AMN1: variants seen among roughly 807,000 people sequenced by gnomAD.
AMN1 encodes antagonist of mitotic exit network 1 homolog.
A neutral mutation model predicts 33.0 loss-of-function variants in AMN1; 20 were observed. The observed-to-expected ratio is 0.61, with a 90% CI of 0.43 to 0.88. AMN1 has a LOEUF of 0.88. Ranked by LOEUF, AMN1 falls within the 40% of genes least tolerant of loss-of-function variation. The pLI is 0.00. For synonymous variants in AMN1, 114 were observed against 111.9 expected (o/e 1.02, Z -0.12); for missense variants, 246 against 307.4 (o/e 0.80, Z 1.49).
chr12:31,706,675 G>C (rs1239309875), intron 2 of AMN1, among the ~76,000 whole-genome samples: 1 of 152,196 alleles, frequency 6.6e-6, no homozygotes, highest in Non-Finnish European at 1.5e-5. Context: ...GGGCTGTTTA[G>C]CAGAACAAAG....
chr12:31,680,502 A>C (rs73090337), intron 6 of AMN1, among the ~76,000 whole-genome samples: 34,078 of 152,168 alleles, frequency 0.22, 4,059 homozygotes, highest in Non-Finnish European at 0.27. Flanking sequence ...ATACACAGCC[A>C]AAACCATAAT....
At chr12:31,714,010 C>A (rs1360220482) in intron 1 of AMN1, among the ~76,000 whole-genome samples, 1 of 151,956 alleles carries the variant, frequency 6.6e-6, no homozygotes, top group East Asian at 1.9e-4. Flanking sequence ...ATACATATAT[C>A]TATAAATAAA....
At position 31,695,102 on chromosome 12, in the gene AMN1, T is replaced by C. The variant is rs118004202; in HGVS notation, c.591+2259A>G. Among the ~76,000 whole-genome samples the C allele has an allele frequency of 5.7e-3, 871 of 152,340 alleles. 33 individuals are homozygous for C. In the East Asian group the frequency reaches 0.1, roughly 17 times the overall value. On this transcript the variant is annotated intron_variant, in intron 5 of 6. Coordinates refer to ENST00000281471, the MANE Select transcript of AMN1 (RefSeq NM_001113402.2). ...TGAAAAAATAAAAAATGTAATGATA[T>C]GGCACTATAATCACCAACACACTGG...
In AMN1 at chr12:31,672,257, A is replaced by G. The variant is rs1951288489; in HGVS notation, c.*47T>C. 1 of 1,293,364 alleles carries G rather than the reference A, an allele frequency of 7.7e-7. No homozygotes were observed. Among genetic ancestry groups the G allele is most frequent in the African/African-American group, 1.5e-5 (1 of 67,856 alleles). The allele number at this position is 1,293,364 out of a possible 1,614,324, so 80.1% of individuals were successfully genotyped here. On this transcript the variant is annotated 3_prime_UTR_variant, in exon 7 of 7. Transcript: ENST00000281471. ...ATCTCTATAGATGGTTTCCTGGGAA[A>G]GTAGTTTTGATAAGCTTTCCTAGCA...
chr12:31,716,106 C>A lies in AMN1; in HGVS notation c.39-6681G>T, dbSNP rs185518468. On this transcript the variant is annotated intron_variant, in intron 1 of 6. Coordinates refer to ENST00000281471, the MANE Select transcript of AMN1 (RefSeq NM_001113402.2). ...CTGTTTGATTTCAGTATTGCTCCATCATTTTTCCATGGTTTCTTTTGCTCA... is the reference window on the plus strand; with the variant it reads ...CTGTTTGATTTCAGTATTGCTCCATAATTTTTCCATGGTTTCTTTTGCTCA... 1.1e-4 allele frequency among the ~76,000 whole-genome samples: 17 copies of A among 152,286 alleles called. No homozygotes were observed. The East Asian group carries it at 3.1e-3, about 28-fold the overall frequency.
At chr12:31,703,069 T>C (rs1033137492) in intron 2 of AMN1, among the ~76,000 whole-genome samples, 1 of 152,140 alleles carries the variant, frequency 6.6e-6, no homozygotes, top group African/African-American at 2.4e-5. Context: ...TCTCTCTCTC[T>C]CTTTCCACTG....
chr12:31,721,536 A>G lies in AMN1; in HGVS notation c.38+7435T>C, dbSNP rs74085198. On this transcript the variant is annotated intron_variant, in intron 1 of 6. Coordinates refer to ENST00000281471, the MANE Select transcript of AMN1 (RefSeq NM_001113402.2). ...CTTGGTCTCTGATCCCTTAGGGGAA[A>G]AAGGCAACCAAATGCAACTGATGAG... 8.3e-3 allele frequency among the ~76,000 whole-genome samples: 1,265 copies of G among 152,330 alleles called. 17 individuals are homozygous for G. The highest frequency in any genetic ancestry group is 0.029 in the African/African-American group (1,193 of 41,576).
chr12:31,699,418 A>AAG (rs1938888091), intron 3 of AMN1, among the ~76,000 whole-genome samples: 1 of 149,380 alleles, frequency 6.7e-6, no homozygotes, highest in African/African-American at 2.4e-5. Context: ...AAAAAAAAAA[A>AAG]AAAGAAAGAA....
chr12:31,682,154 C>A (rs995127906), intron 6 of AMN1, among the ~76,000 whole-genome samples: 1 of 152,158 alleles, frequency 6.6e-6, no homozygotes, highest in Non-Finnish European at 1.5e-5. Flanking sequence ...TTTCTCAGAG[C>A]CTTTGACAAA....
At chr12:31,692,801 ATATT>A (rs1773146452) in intron 5 of AMN1, among the ~76,000 whole-genome samples, 3 of 152,198 alleles carry the variant, frequency 2.0e-5, no homozygotes, top group Admixed American at 6.5e-5. Context: ...TGCTTAATAA[ATATT>A]TATTAATAAA....
intron 6 of AMN1, among the ~76,000 whole-genome samples, chr12:31,680,096 C>CTG (rs113504550): frequency 0.14 from 20,040 of 144,654 alleles, 1,570 homozygotes; most frequent in East Asian, 0.27. Flanking sequence ...ACACTCCAGG[C>CTG]GGCAACAAAG....
At chr12:31,685,533 G>A (rs1938219152) in intron 6 of AMN1, among the ~76,000 whole-genome samples, 1 of 152,072 alleles carries the variant, frequency 6.6e-6, no homozygotes, top group Non-Finnish European at 1.5e-5. Flanking sequence ...GGGCGTGGTA[G>A]CTCACGCTTG....
chr12:31,726,261 A>C (rs1480696652), intron 1 of AMN1, among the ~76,000 whole-genome samples: 1 of 151,216 alleles, frequency 6.6e-6, no homozygotes, highest in Non-Finnish European at 1.5e-5. Flanking sequence ...TCCCAGGTTC[A>C]AGCGATTCTC....
rs1951283902 is a variant in AMN1 at position 31,672,048 on chromosome 12, TC to T, written c.*255del. 2.8e-6 allele frequency: 1 copy of T among 359,608 alleles called. No individual in the cohort carries two copies. Among genetic ancestry groups the T allele is most frequent in the Non-Finnish European group, 5.1e-6 (1 of 197,826 alleles). 22.3% of individuals were successfully genotyped at this position (359,608 alleles called of 1,614,324 possible). A position where few individuals can be genotyped will look rare whatever the true frequency, so the allele number is the denominator to read the frequency against. On this transcript the variant is annotated 3_prime_UTR_variant, in exon 7 of 7. Transcript: ENST00000281471. ...AGAATCCAACACCATAGATCAGAGT[TC>T]ATGCTAGGATTATCATTTCAAAAAT... is the stretch of plus-strand genomic sequence containing the variant.
At chr12:31,697,338 C>G (rs1193400445) in intron 5 of AMN1, 23 bp downstream of exon 5, 1 of 1,598,026 alleles carries the variant, frequency 6.3e-7, no homozygotes, top group African/African-American at 1.3e-5. Flanking sequence ...TCACCACCAT[C>G]TTTATAATTG....
At chr12:31,674,013 C>T (rs1465665378) in intron 6 of AMN1, among the ~76,000 whole-genome samples, 2 of 144,330 alleles carry the variant, frequency 1.4e-5, no homozygotes, top group African/African-American at 5.0e-5. Context: ...AAAGTCTTAT[C>T]TTTTTTTTTT....
Position 31,697,914 on chromosome 12 carries a change from A to G in AMN1, c.360T>C (p.Ala120=), listed in dbSNP as rs1255628383. ...TGAGATTGCAGCATCTTTTCAAAGA[A>G]GCTTCGTGTAGGTATGAACAAGATG... The part of the protein sequence containing the change: ...VASSCSYLHE[A]SLKRCCNLTD... The change falls in exon 4 of 7, where the codon GCT becomes GCC. Residue 120 remains alanine, a synonymous_variant. Coordinates refer to ENST00000281471, the MANE Select transcript of AMN1 (RefSeq NM_001113402.2). 1.9e-6 allele frequency: 3 copies of G among 1,613,928 alleles called. No individual in the cohort carries two copies. Among genetic ancestry groups the G allele is most frequent in the Admixed American group, 1.7e-5 (1 of 60,012 alleles).
At chr12:31,704,917 G>A (rs1295754154) in intron 2 of AMN1, among the ~76,000 whole-genome samples, 1 of 152,138 alleles carries the variant, frequency 6.6e-6, no homozygotes, top group Admixed American at 6.5e-5. Flanking sequence ...GTGGATGGTG[G>A]AAAAGTGAAG....
At chr12:31,685,800 CA>C (rs10525163) in intron 6 of AMN1, among the ~76,000 whole-genome samples, 15 of 120,982 alleles carry the variant, frequency 1.2e-4, no homozygotes, top group Non-Finnish European at 2.1e-4. Context: ...GACTCATTAT[CA>C]AAAAAAAAAG....
Sources: allele counts gnomAD v4.1 joint callset (sites outside exome capture counted in the v4.1 genomes callset), GRCh38; gene constraint gnomAD v4.1.1; transcripts MANE v1.5; gene names NCBI Gene and HGNC (gene_info 2026-07-23, HGNC 2026-07-21).